Variants in AUTS2 observed in about 807,000 individuals in gnomAD.
AUTS2 encodes autism susceptibility gene 2 protein.
Under a neutral mutation model 112.4 loss-of-function variants are expected in AUTS2, and 17 were observed. The ratio of observed to expected loss-of-function variants is 0.15; its 90% CI spans 0.10 to 0.23. The LOEUF (loss-of-function observed/expected upper bound fraction) is 0.23. Among genes scored for constraint, AUTS2 ranks in the 10% least tolerant of loss-of-function variants. The probability of loss-of-function intolerance (pLI) is 1.00; values close to 1 mark genes in which losing one functional copy is unlikely to be tolerated. For synonymous variants in AUTS2, 751 were observed against 702.7 expected, an observed-to-expected ratio of 1.07 and a Z score of -1.09; for missense variants, 1,510 against 1,701.6, an observed-to-expected ratio of 0.89 and a Z score of 1.98.
At chr7:69,731,820 T>A (rs1468226461) in intron 1 of AUTS2, among the ~76,000 whole-genome samples, 1 of 152,176 alleles carries the variant, frequency 6.6e-6, no homozygotes, top group Non-Finnish European at 1.5e-5. Flanking sequence ...GGGTTGTCAC[T>A]GGAACAGAGT....
At chr7:69,788,008 C>T (rs1431709565) in intron 1 of AUTS2, among the ~76,000 whole-genome samples, 1 of 152,146 alleles carries the variant, frequency 6.6e-6, no homozygotes, top group Non-Finnish European at 1.5e-5. Context: ...CTGGAATCAC[C>T]CTTGAATGAA....
chr7:70,715,155 CCTT>C (rs1462821944), intron 6 of AUTS2, among the ~76,000 whole-genome samples: 1 of 152,190 alleles, frequency 6.6e-6, no homozygotes, highest in Non-Finnish European at 1.5e-5. Flanking sequence ...TCAATTCTCT[CCTT>C]CTAATTGCAT....
intron 1 of AUTS2, among the ~76,000 whole-genome samples, chr7:69,656,489 TTATC>T (rs1795546268): frequency 6.6e-6 from 1 of 152,244 alleles, no homozygotes; most frequent in Admixed American, 6.5e-5. Flanking sequence ...CTATTGGGTT[TTATC>T]TATCATTCCT....
chr7:69,827,234 G>T (rs1465218185), intron 1 of AUTS2, among the ~76,000 whole-genome samples: 1 of 152,086 alleles, frequency 6.6e-6, no homozygotes, highest in East Asian at 1.9e-4. Flanking sequence ...TAAGCAAAGC[G>T]TCTTTTTGCT....
At position 70,261,748 on chromosome 7, in the gene AUTS2, C is replaced by G. The variant is rs149238334; in HGVS notation, c.660+127177C>G. On this transcript the variant is annotated intron_variant, in intron 4 of 18. Coordinates refer to ENST00000342771, the MANE Select transcript of AUTS2 (RefSeq NM_015570.4). ...CTCCTCCCTACAGTTGTTATCTTTA[C>G]TGTTATTTGAAGGACTTGAATAAGT... Among the ~76,000 whole-genome samples the G allele has an allele frequency of 9.9e-4, 150 of 152,196 alleles. 1 individual carries two copies. In the East Asian group the frequency reaches 0.011, roughly 11 times the overall value.
intron 1 of AUTS2, among the ~76,000 whole-genome samples, chr7:69,715,819 A>G (rs540627046): frequency 7.2e-5 from 11 of 152,340 alleles, no homozygotes; most frequent in African/African-American, 2.4e-4. Flanking sequence ...GTGATTTTGT[A>G]TATGAACTCA....
chr7:70,567,605 G>T (rs1585311751), intron 5 of AUTS2, among the ~76,000 whole-genome samples: 1 of 152,354 alleles, frequency 6.6e-6, no homozygotes, highest in Non-Finnish European at 1.5e-5. Context: ...TTTAAAGCCA[G>T]GGAACACATG....
intron 4 of AUTS2, among the ~76,000 whole-genome samples, chr7:70,380,418 C>T (rs1450511199): frequency 6.6e-6 from 1 of 152,158 alleles, no homozygotes; most frequent in Non-Finnish European, 1.5e-5. Context: ...TGGAGACTGC[C>T]TGGAAGCCAG....
chr7:70,666,107 G>A (rs369577697), intron 5 of AUTS2, among the ~76,000 whole-genome samples: 1 of 152,164 alleles, frequency 6.6e-6, no homozygotes, highest in South Asian at 2.1e-4. Context: ...CAGAACTCTG[G>A]AATCAGATGG....
At chr7:70,252,997 C>T (rs546851002) in intron 4 of AUTS2, among the ~76,000 whole-genome samples, 1 of 152,248 alleles carries the variant, frequency 6.6e-6, no homozygotes, top group Admixed American at 6.5e-5. Context: ...TGTGATAGAT[C>T]TTGAAGTCTA....
intron 2 of AUTS2, among the ~76,000 whole-genome samples, chr7:69,931,850 C>T (rs1273017229): frequency 6.6e-6 from 1 of 152,208 alleles, no homozygotes; most frequent in East Asian, 1.9e-4. Flanking sequence ...GTCAGGCAGC[C>T]TGCTAATTTG....
At chr7:69,757,068 T>C (rs1183243139) in intron 1 of AUTS2, among the ~76,000 whole-genome samples, 1 of 152,228 alleles carries the variant, frequency 6.6e-6, no homozygotes, top group Non-Finnish European at 1.5e-5. Context: ...AGTCCTTCGC[T>C]TTATCCTCTG....
intron 2 of AUTS2, among the ~76,000 whole-genome samples, chr7:70,061,809 C>T (rs1029066279): frequency 4.0e-5 from 6 of 150,480 alleles, no homozygotes; most frequent in Non-Finnish European, 7.4e-5. Flanking sequence ...CCCCCGGAGA[C>T]GGAGTTTCAC....
At chr7:70,558,968 A>G (rs140533717) in intron 5 of AUTS2, among the ~76,000 whole-genome samples, 1 of 152,212 alleles carries the variant, frequency 6.6e-6, no homozygotes, top group South Asian at 2.1e-4. Context: ...CTCACCTTGA[A>G]TCGCACCTTG....
At chr7:70,392,244 A>G (rs1318602846) in intron 4 of AUTS2, among the ~76,000 whole-genome samples, 1 of 152,120 alleles carries the variant, frequency 6.6e-6, no homozygotes, top group Non-Finnish European at 1.5e-5. Context: ...TGTACTTCCT[A>G]GCCCATTGGA....
chr7:70,041,719 G>A (rs1801256199), intron 2 of AUTS2, among the ~76,000 whole-genome samples: 1 of 152,108 alleles, frequency 6.6e-6, no homozygotes, highest in Non-Finnish European at 1.5e-5. Flanking sequence ...AGCCTTTTCT[G>A]CCCCTAAGAT....
chr7:70,488,524 G>A (rs190641773), intron 5 of AUTS2, among the ~76,000 whole-genome samples: 5 of 152,052 alleles, frequency 3.3e-5, no homozygotes, highest in African/African-American at 1.2e-4. Context: ...TCCAAGCCCT[G>A]GTGTTCTTTC....
At chr7:70,156,131 C>A (rs938579203) in intron 4 of AUTS2, among the ~76,000 whole-genome samples, 1 of 152,150 alleles carries the variant, frequency 6.6e-6, no homozygotes, top group African/African-American at 2.4e-5. Flanking sequence ...GAACCTGCAC[C>A]ATGAGGATGC....
chr7:69,749,766 C>T (rs998593458), intron 1 of AUTS2, among the ~76,000 whole-genome samples: 3 of 152,158 alleles, frequency 2.0e-5, no homozygotes, highest in African/African-American at 7.2e-5. Flanking sequence ...ACAAATGTTG[C>T]TTCTAGTGAA....
Sources: gnomAD v4.1 joint callset for allele counts (sites outside exome capture counted in the v4.1 genomes callset) on GRCh38, gnomAD v4.1.1 for gene constraint, MANE v1.5 for transcripts, NCBI Gene and HGNC (gene_info 2026-07-23, HGNC 2026-07-21) for gene names.